Variants in COX7B2 observed in about 807,000 individuals in gnomAD.
COX7B2 encodes the protein cytochrome c oxidase subunit 7B2, mitochondrial.
For missense variants in COX7B2, 109 were observed against 95.9 expected (o/e 1.14, Z -0.57); for synonymous variants, 37 against 32.1 (o/e 1.15, Z -0.51).
At chr4:46,880,993 T>TAAAAAAAAAAAAAAA (rs1215385422) in intron 1 of COX7B2, among the ~76,000 whole-genome samples, 109 of 102,658 alleles carry the variant, frequency 1.1e-3, no homozygotes, top group African/African-American at 2.6e-3. Context: ...TAGAGTATAA[T>TAAAAAAAAAAAAAAA]AAAAAAAAAA....
intron 2 of COX7B2, among the ~76,000 whole-genome samples, chr4:46,783,506 G>C (rs972007563): frequency 9.9e-5 from 15 of 152,100 alleles, no homozygotes; most frequent in African/African-American, 3.6e-4. Context: ...TTCCATACTT[G>C]CCCTATTCTG....
intron 1 of COX7B2, among the ~76,000 whole-genome samples, chr4:46,846,302 T>C (rs1249006729): frequency 6.6e-6 from 1 of 151,856 alleles, no homozygotes; most frequent in Non-Finnish European, 1.5e-5. Context: ...CTCATGAAAC[T>C]CACATTCTAG....
intron 2 of COX7B2, among the ~76,000 whole-genome samples, chr4:46,774,219 A>G (rs1717035350): frequency 6.6e-6 from 1 of 152,172 alleles, no homozygotes; most frequent in Non-Finnish European, 1.5e-5. Flanking sequence ...CAAACAAACA[A>G]ACAAACAAAA....
At chr4:46,751,773 A>G (rs1715394994) in intron 2 of COX7B2, among the ~76,000 whole-genome samples, 1 of 151,906 alleles carries the variant, frequency 6.6e-6, no homozygotes, top group Non-Finnish European at 1.5e-5. Flanking sequence ...TAGCAGAAAG[A>G]AAAAGAAATC....
At chr4:46,820,081 C>T (rs183557022) in intron 2 of COX7B2, among the ~76,000 whole-genome samples, 12 of 152,234 alleles carry the variant, frequency 7.9e-5, no homozygotes, top group African/African-American at 2.2e-4. Context: ...GATTCAAGCA[C>T]GTTACATTTA....
chr4:46,837,411 A>T (rs1348732906), intron 2 of COX7B2, among the ~76,000 whole-genome samples: 1 of 152,028 alleles, frequency 6.6e-6, no homozygotes, highest in Non-Finnish European at 1.5e-5. Context: ...AATAAGCCAG[A>T]TGCAAATGGA....
chr4:46,768,345 T>TGCTTCCA, intron 2 of COX7B2, among the ~76,000 whole-genome samples: 1 of 133,576 alleles, frequency 7.5e-6, no homozygotes, highest in African/African-American at 2.6e-5. Flanking sequence ...CCAACCATAG[T>TGCTTCCA]CTCCAATATC....
chr4:46,793,164 G>A (rs934986164), intron 2 of COX7B2, among the ~76,000 whole-genome samples: 4 of 152,168 alleles, frequency 2.6e-5, no homozygotes, highest in Non-Finnish European at 4.4e-5. Context: ...TCAGAAGTTT[G>A]GAATGTTCCT....
chr4:46,771,530 A>G (rs1021806336), intron 2 of COX7B2, among the ~76,000 whole-genome samples: 1 of 152,076 alleles, frequency 6.6e-6, no homozygotes, highest in Non-Finnish European at 1.5e-5. Flanking sequence ...TTGGGACCAG[A>G]GGTGTTACAG....
At chr4:46,879,335 T>C (rs1718557182) in intron 1 of COX7B2, among the ~76,000 whole-genome samples, 1 of 152,086 alleles carries the variant, frequency 6.6e-6, no homozygotes, top group Non-Finnish European at 1.5e-5. Flanking sequence ...TTTTTCTTTT[T>C]GAGACACGGT....
At chr4:46,812,819 G>C (rs1276453399) in intron 2 of COX7B2, among the ~76,000 whole-genome samples, 2 of 152,208 alleles carry the variant, frequency 1.3e-5, no homozygotes, top group East Asian at 3.8e-4. Flanking sequence ...GGTCAGCAGA[G>C]CCTCTGGATC....
intron 1 of COX7B2, among the ~76,000 whole-genome samples, chr4:46,867,892 A>G (rs955628922): frequency 6.6e-6 from 1 of 152,172 alleles, no homozygotes. Flanking sequence ...GGCTTCACAG[A>G]AAGAGTTGGG....
At chr4:46,769,026 T>C (rs1272305118) in intron 2 of COX7B2, among the ~76,000 whole-genome samples, 2 of 152,060 alleles carry the variant, frequency 1.3e-5, no homozygotes, top group Non-Finnish European at 2.9e-5. Flanking sequence ...AAAATCTGAA[T>C]GGACCCTCCC....
At chr4:46,851,695 T>C (rs2109780236) in intron 1 of COX7B2, among the ~76,000 whole-genome samples, 1 of 152,198 alleles carries the variant, frequency 6.6e-6, no homozygotes, top group African/African-American at 2.4e-5. Context: ...CAGTCTTCCC[T>C]TTTCTTTAAT....
intron 2 of COX7B2, among the ~76,000 whole-genome samples, chr4:46,765,573 C>G (rs924881555): frequency 6.6e-6 from 1 of 152,142 alleles, no homozygotes; most frequent in Non-Finnish European, 1.5e-5. Flanking sequence ...AGCTCCAGGC[C>G]TGGCCCAACA....
At chr4:46,777,806 A>G (rs781155988) in intron 2 of COX7B2, among the ~76,000 whole-genome samples, 8 of 152,138 alleles carry the variant, frequency 5.3e-5, no homozygotes, top group Non-Finnish European at 1.2e-4. Flanking sequence ...TAAGGCAAAT[A>G]CTAAACTTCT....
chr4:46,813,656 G>A (rs1412031555), intron 2 of COX7B2, among the ~76,000 whole-genome samples: 1 of 152,060 alleles, frequency 6.6e-6, no homozygotes. Context: ...AAACCACCAT[G>A]GCACATGTAT....
At chr4:46,814,684 T>C (rs2109672739) in intron 2 of COX7B2, among the ~76,000 whole-genome samples, 2 of 152,320 alleles carry the variant, frequency 1.3e-5, no homozygotes, top group South Asian at 4.1e-4. Context: ...TTTTAATTAA[T>C]TATACTGCAG....
intron 1 of COX7B2, among the ~76,000 whole-genome samples, chr4:46,879,556 A>T (rs185418977): frequency 1.1e-3 from 173 of 152,106 alleles, no homozygotes; most frequent in African/African-American, 3.9e-3. Flanking sequence ...GAGCCACCAC[A>T]CCGAGACCTC....
Sources: gnomAD v4.1 joint callset for allele counts (sites outside exome capture counted in the v4.1 genomes callset) on GRCh38, gnomAD v4.1.1 for gene constraint, MANE v1.5 for transcripts, NCBI Gene and HGNC (gene_info 2026-07-23, HGNC 2026-07-21) for gene names.